The following TRAPPC13 variants were observed in gnomAD, a reference collection of about 807,000 sequenced individuals.
TRAPPC13 encodes REV7-interacting novel NHEJ regulator 1.
TRAPPC13 carries 39 observed loss-of-function variants against 54.0 expected under a neutral mutation model. The observed-to-expected ratio is 0.72, with a 90% confidence interval of 0.56 to 0.94. TRAPPC13 has a LOEUF of 0.94. TRAPPC13 is among the 40% of genes least tolerant of loss of function. The pLI, the probability that TRAPPC13 is intolerant of heterozygous loss-of-function variation, is 0.00. For missense variants in TRAPPC13, 386 were observed against 488.1 expected (o/e 0.79, Z 1.97); for synonymous variants, 148 against 167.7 (o/e 0.88, Z 0.91).
At chr5:65,655,541 AAAAATGCAGAAATGCATTTT>A in intron 7 of TRAPPC13, 75 bp from the exon 8 acceptor site, 1 of 394,492 alleles carries the variant, frequency 2.5e-6, no homozygotes, top group Non-Finnish European at 4.2e-6. Context: ...AGTAATTTAA[AAAAATGCAGAAATGCATTTT>A]ATTTTAAAGT....
At chr5:65,631,065 A>G (rs1005787494) in intron 1 of TRAPPC13, among the ~76,000 whole-genome samples, 3 of 152,220 alleles carry the variant, frequency 2.0e-5, no homozygotes, top group African/African-American at 7.2e-5. Flanking sequence ...AGTTTTGTAG[A>G]AGCATGTATG....
chr5:65,638,104 CAG>C (rs954578400), intron 4 of TRAPPC13, among the ~76,000 whole-genome samples: 2 of 133,146 alleles, frequency 1.5e-5, no homozygotes, highest in Admixed American at 8.3e-5. Context: ...GCCTGGGTGA[CAG>C]AGTTAGACTC....
At chr5:65,649,857 A>ATT (rs34497762) in intron 5 of TRAPPC13, among the ~76,000 whole-genome samples, 3 of 134,236 alleles carry the variant, frequency 2.2e-5, no homozygotes, top group African/African-American at 5.5e-5. Context: ...ATCTATCTGT[A>ATT]TTTTTTTTTT....
chr5:65,658,263 A>C (rs1364647231), intron 8 of TRAPPC13, 105 bp from the exon 9 acceptor site: 2 of 1,134,352 alleles, frequency 1.8e-6, no homozygotes, highest in Non-Finnish European at 2.4e-6. Flanking sequence ...TGAACTAATC[A>C]CATTTGTGGT....
intron 8 of TRAPPC13, chr5:65,657,947 C>G (rs1756711656): frequency 6.4e-6 from 1 of 155,440 alleles, no homozygotes; most frequent in African/African-American, 2.4e-5. Flanking sequence ...ATATGACAAT[C>G]AAAGTTATAC....
intron 7 of TRAPPC13, among the ~76,000 whole-genome samples, chr5:65,655,185 C>T (rs1756606715): frequency 6.6e-6 from 1 of 152,128 alleles, no homozygotes; most frequent in African/African-American, 2.4e-5. Flanking sequence ...CTCTAATTGC[C>T]CAAGATATTC....
intron 7 of TRAPPC13, 150 bp from the exon 8 acceptor site, chr5:65,655,486 T>C (rs1486830005): frequency 3.8e-6 from 1 of 263,672 alleles, no homozygotes; most frequent in African/African-American, 2.2e-5. Flanking sequence ...TATTTCTTTA[T>C]GTTGCTTCCT....
chr5:65,652,719 C>G (rs1210305727), intron 7 of TRAPPC13, 174 bp downstream of exon 7: 4 of 667,542 alleles, frequency 6.0e-6, no homozygotes, highest in Non-Finnish European at 1.1e-5. Context: ...GTCTCATAAT[C>G]TTTTTCAGCT....
chr5:65,665,786 ATGT>A lies in TRAPPC13; in HGVS notation c.*1176_*1178del, dbSNP rs1757016930. On this transcript the variant is annotated 3_prime_UTR_variant, in exon 13 of 13. Coordinates refer to ENST00000399438, the MANE Select transcript of TRAPPC13 (RefSeq NM_024941.4). ...GGTGATAAACAACTTTGCAGCATTA[ATGT>A]AACAAAAAGTTTCAGTATTTGTCAG... 1 of 152,564 alleles carries A rather than the reference ATGT, an allele frequency of 6.6e-6. No individual in the cohort carries two copies. Among genetic ancestry groups the A allele is most frequent in the African/African-American group, 2.4e-5 (1 of 41,460 alleles). 9.5% of individuals were successfully genotyped at this position (152,564 alleles called of 1,614,324 possible). A position where few individuals can be genotyped will look rare whatever the true frequency, so the allele number is the denominator to read the frequency against.
intron 9 of TRAPPC13, 48 bp downstream of exon 9, chr5:65,658,549 G>A (rs1756733715): frequency 7.0e-7 from 1 of 1,421,850 alleles, no homozygotes; most frequent in Non-Finnish European, 9.3e-7. Context: ...AAAGATACAT[G>A]TTTTTCTAAA....
At chr5:65,642,448 T>G (rs1021706971) in intron 4 of TRAPPC13, among the ~76,000 whole-genome samples, 2 of 152,198 alleles carry the variant, frequency 1.3e-5, no homozygotes, top group Admixed American at 1.3e-4. Context: ...ATCCAAGACT[T>G]AAAAAATTAC....
At position 65,664,257 on chromosome 5, in the gene TRAPPC13, T is replaced by A; in HGVS notation, c.1019T>A (p.Val340Asp). Residue 340 changes from valine to aspartate, a missense_variant, in exon 12 of 13, where the codon GTT becomes GAT. Val to Asp is a radical substitution (Grantham distance 152). Coordinates refer to ENST00000399438, the MANE Select transcript of TRAPPC13 (RefSeq NM_024941.4). ...AGCAGTGAAAGGACTATGGATCTGG[T>A]TTTGGAAATGTGCAATACCAATTCC... The part of the protein sequence containing the change: ...TNCSERTMDL[V>D]LEMCNTNSIH... The A allele has an allele frequency of 6.2e-7, 1 of 1,613,814 alleles. No individual in the cohort carries two copies. Among genetic ancestry groups the A allele is most frequent in the Non-Finnish European group, 8.5e-7 (1 of 1,179,788 alleles).
Position 65,664,409 on chromosome 5 carries a change from A to G in TRAPPC13, c.1146+25A>G, listed in dbSNP as rs763111882. On this transcript the variant is annotated intron_variant, in intron 12 of 12. Transcript: ENST00000399438. ...AGTATGCTGTCTTTTCAAAAATTCC[A>G]ATATTTGGGTGCTGTTAACTTACAA... is the stretch of plus-strand genomic sequence containing the variant. 4 of 1,606,508 alleles carry G rather than the reference A, an allele frequency of 2.5e-6. No individual in the cohort carries two copies. In the East Asian group the frequency reaches 6.7e-5, roughly 27 times the overall value.
chr5:65,660,960 T>C (rs1756831037), intron 10 of TRAPPC13, 63 bp downstream of exon 10: 4 of 1,353,794 alleles, frequency 3.0e-6, no homozygotes. Flanking sequence ...TAGAACAACT[T>C]AATTTTTTCT....
intron 8 of TRAPPC13, 70 bp from the exon 9 acceptor site, chr5:65,658,296 TAA>T: frequency 7.0e-7 from 1 of 1,424,546 alleles, no homozygotes; most frequent in Non-Finnish European, 9.4e-7. Flanking sequence ...TTCATATAGA[TAA>T]GATATTTTTG....
intron 5 of TRAPPC13, among the ~76,000 whole-genome samples, chr5:65,649,002 G>A (rs1756312513): frequency 6.6e-6 from 1 of 152,028 alleles, no homozygotes; most frequent in African/African-American, 2.4e-5. Context: ...GATCGCTTGA[G>A]CTCAGGAGCT....
chr5:65,664,181 G>A, intron 11 of TRAPPC13, 56 bp from the exon 12 acceptor site: 2 of 1,549,288 alleles, frequency 1.3e-6, no homozygotes, highest in Admixed American at 1.8e-5. Context: ...AAATATTGCA[G>A]TACCTCTTTG....
intron 5 of TRAPPC13, among the ~76,000 whole-genome samples, chr5:65,650,303 A>G (rs775452337): frequency 6.6e-6 from 1 of 151,176 alleles, no homozygotes; most frequent in Non-Finnish European, 1.5e-5. Context: ...CTGGGATTAC[A>G]GGCGCCCACC....
chr5:65,638,690 G>A (rs1172971515), intron 4 of TRAPPC13, among the ~76,000 whole-genome samples: 1 of 152,220 alleles, frequency 6.6e-6, no homozygotes, highest in African/African-American at 2.4e-5. Context: ...CGTAGCTGGG[G>A]ACAATCATGG....
Sources: allele counts gnomAD v4.1 joint callset (sites outside exome capture counted in the v4.1 genomes callset), GRCh38; gene constraint gnomAD v4.1.1; transcripts MANE v1.5; gene names NCBI Gene and HGNC (gene_info 2026-07-23, HGNC 2026-07-21).